The following SEMA6D variants were observed in gnomAD, a reference collection of about 807,000 sequenced individuals.
The protein encoded by SEMA6D is semaphorin-6D.
SEMA6D carries 35 observed loss-of-function variants against 106.6 expected under a neutral mutation model. The observed-to-expected ratio is 0.33, with a 90% CI of 0.25 to 0.44. The LOEUF is 0.44. Among genes scored for constraint, SEMA6D ranks in the 20% least tolerant of loss-of-function variants. The probability of loss-of-function intolerance (pLI) is 1.00; values close to 1 mark genes in which losing one functional copy is unlikely to be tolerated. For missense variants in SEMA6D, 1,185 were observed against 1,345.9 expected, an observed-to-expected ratio of 0.88 and a Z score of 1.87; for synonymous variants, 499 against 487.7, an observed-to-expected ratio of 1.02 and a Z score of -0.31.
chr15:47,405,411 A>G (rs2146080205), intron 1 of SEMA6D, among the ~76,000 whole-genome samples: 1 of 152,180 alleles, frequency 6.6e-6, no homozygotes, highest in South Asian at 2.1e-4. Context: ...CATCCTAAAC[A>G]TCACCCTCCT....
At chr15:47,255,209 A>G (rs10459611) in intron 1 of SEMA6D, among the ~76,000 whole-genome samples, 53,666 of 151,732 alleles carry the variant, frequency 0.35, 10,068 homozygotes, top group East Asian at 0.69. Flanking sequence ...AGTTTTTTCT[A>G]GATTTTCCAA....
At chr15:47,467,572 G>T (rs1452941567) in intron 2 of SEMA6D, among the ~76,000 whole-genome samples, 1 of 152,100 alleles carries the variant, frequency 6.6e-6, no homozygotes, top group Non-Finnish European at 1.5e-5. Context: ...GAGAAGTAGA[G>T]GAAGGGATGG....
chr15:47,189,537 G>A (rs1037058529), intron 1 of SEMA6D, among the ~76,000 whole-genome samples: 2 of 152,042 alleles, frequency 1.3e-5, no homozygotes, highest in African/African-American at 4.8e-5. Flanking sequence ...CTAAATTATC[G>A]CTAAATTATC....
At chr15:47,601,615 A>G (rs2076660449) in intron 4 of SEMA6D, among the ~76,000 whole-genome samples, 2 of 152,194 alleles carry the variant, frequency 1.3e-5, no homozygotes, top group Non-Finnish European at 2.9e-5. Context: ...GGTAAAGCTA[A>G]TAAGATTGGG....
chr15:47,689,258 A>G (rs1413949250), intron 4 of SEMA6D, among the ~76,000 whole-genome samples: 3 of 152,228 alleles, frequency 2.0e-5, no homozygotes, highest in Non-Finnish European at 2.9e-5. Flanking sequence ...TCATTTTTAT[A>G]TGGATAACTG....
intron 4 of SEMA6D, among the ~76,000 whole-genome samples, chr15:47,665,987 G>C (rs901825480): frequency 6.6e-6 from 1 of 152,162 alleles, no homozygotes; most frequent in Non-Finnish European, 1.5e-5. Context: ...GGTTTTTTCT[G>C]TTGTTAGACA....
chr15:47,684,770 T>C (rs2078433372), intron 4 of SEMA6D, among the ~76,000 whole-genome samples: 1 of 152,220 alleles, frequency 6.6e-6, no homozygotes, highest in African/African-American at 2.4e-5. Flanking sequence ...AATTGGAAGA[T>C]TTATCACAAT....
chr15:47,388,693 C>A (rs2039927755), intron 1 of SEMA6D, among the ~76,000 whole-genome samples: 1 of 152,038 alleles, frequency 6.6e-6, no homozygotes, highest in Non-Finnish European at 1.5e-5. Context: ...CTCTTACGGT[C>A]AGGAAGCTTT....
intron 2 of SEMA6D, among the ~76,000 whole-genome samples, chr15:47,466,428 T>G (rs2042661871): frequency 6.6e-6 from 1 of 152,186 alleles, no homozygotes; most frequent in African/African-American, 2.4e-5. Context: ...TGTGTTTGGC[T>G]TGTTTCACTT....
rs566478963 is a variant in SEMA6D, at chr15:47,652,752, G to A, written c.-55+51856G>A. On this transcript the variant is annotated intron_variant, in intron 4 of 19. Transcript: ENST00000558014. ...AAAGGAAGGTTCAAGGACTGGCTTC[G>A]TGCTATAATTGGCTCATTGGTGTTT... 8.5e-5 allele frequency among the ~76,000 whole-genome samples: 13 copies of A among 152,254 alleles called. No homozygotes were observed. The East Asian group carries it at 9.6e-4, about 11-fold the overall frequency.
chr15:47,273,689 T>C (rs2142317145), intron 1 of SEMA6D, among the ~76,000 whole-genome samples: 1 of 152,328 alleles, frequency 6.6e-6, no homozygotes, highest in African/African-American at 2.4e-5. Flanking sequence ...TTAGTGAATG[T>C]TATGTTTCCT....
At chr15:47,571,365 G>A (rs1017286600) in intron 3 of SEMA6D, among the ~76,000 whole-genome samples, 7 of 152,202 alleles carry the variant, frequency 4.6e-5, no homozygotes, top group African/African-American at 1.4e-4. Context: ...TATTCAAGTG[G>A]CTGCCATGGC....
intron 1 of SEMA6D, among the ~76,000 whole-genome samples, chr15:47,353,910 G>C (rs1229937100): frequency 6.6e-6 from 1 of 151,948 alleles, no homozygotes; most frequent in Non-Finnish European, 1.5e-5. Flanking sequence ...GACGAGATGT[G>C]CAGGCAATTA....
chr15:47,540,836 G>A (rs2045333186), intron 3 of SEMA6D, among the ~76,000 whole-genome samples: 1 of 152,156 alleles, frequency 6.6e-6, no homozygotes, highest in African/African-American at 2.4e-5. Context: ...AGGTGGCCAA[G>A]AGTCAGAGTG....
intron 1 of SEMA6D, among the ~76,000 whole-genome samples, chr15:47,319,544 C>A (rs950088311): frequency 6.6e-6 from 1 of 151,950 alleles, no homozygotes; most frequent in African/African-American, 2.4e-5. Context: ...TTTTTCTCCC[C>A]CCACCCCAGG....
At chr15:47,215,957 A>G (rs551163183) in intron 1 of SEMA6D, among the ~76,000 whole-genome samples, 15 of 152,292 alleles carry the variant, frequency 9.8e-5, no homozygotes, top group South Asian at 8.3e-4. Context: ...AATTTTTAAA[A>G]TTATAGAATC....
intron 3 of SEMA6D, among the ~76,000 whole-genome samples, chr15:47,488,237 T>C (rs1359140761): frequency 6.6e-6 from 1 of 152,150 alleles, no homozygotes; most frequent in Admixed American, 6.5e-5. Context: ...TGAAAAACCC[T>C]TTCTTTCTCT....
At chr15:47,338,983 T>G (rs2037691198) in intron 1 of SEMA6D, 1 of 152,160 alleles carries the variant, frequency 6.6e-6, no homozygotes, top group African/African-American at 2.4e-5. Flanking sequence ...TTTGCTGGGT[T>G]TAGATCATGT....
In SEMA6D at chr15:47,217,769, A is replaced by G. The variant is rs189153724; in HGVS notation, c.-239+33351A>G. ...TTAAAGTTAAATATATTAAAAATATATATATTTAAATATGTTGTGCATATG... is the reference window on the plus strand; with the variant it reads ...TTAAAGTTAAATATATTAAAAATATGTATATTTAAATATGTTGTGCATATG... On this transcript the variant is annotated intron_variant, in intron 1 of 19. Coordinates refer to the SEMA6D transcript ENST00000558014. Among the ~76,000 whole-genome samples the G allele has an allele frequency of 4.0e-3, 604 of 151,846 alleles. 25 individuals carry two copies. The highest frequency in any genetic ancestry group is 0.036 in the Admixed American group (551 of 15,208).
Sources: allele counts gnomAD v4.1 joint callset (sites outside exome capture counted in the v4.1 genomes callset), GRCh38; gene constraint gnomAD v4.1.1; transcripts MANE v1.5; gene names NCBI Gene and HGNC (gene_info 2026-07-23, HGNC 2026-07-21).